The following DUSP8 variants were observed in gnomAD, a reference collection of about 807,000 sequenced individuals.
The protein encoded by DUSP8 is dual specificity phosphatase 8.
A neutral mutation model predicts 38.7 loss-of-function variants in DUSP8; 15 were observed. The observed-to-expected ratio is 0.39, with a 90% CI of 0.26 to 0.60. The LOEUF is 0.60. Ranked by LOEUF, DUSP8 falls within the 20% of genes least tolerant of loss-of-function variation. The pLI is 0.56. For synonymous variants in DUSP8, 458 were observed against 433.9 expected (o/e 1.06, Z -0.69); for missense variants, 768 against 915.0 (o/e 0.84, Z 2.07).
chr11:1,565,917 T>A lies in DUSP8; in HGVS notation c.-91A>T. 9.2e-7 allele frequency: 1 copy of A among 1,092,230 alleles called. No individual in the cohort carries two copies. The highest frequency in any genetic ancestry group is 1.5e-5 in the African/African-American group (1 of 64,998). 67.7% of individuals were successfully genotyped at this position (1,092,230 alleles called of 1,614,324 possible). On this transcript the variant is annotated 5_prime_UTR_variant, in exon 2 of 7. The change abolishes the stop of an existing upstream ORF in the 5' untranslated region. Transcript: ENST00000397374. The stretch of plus-strand genomic sequence containing the variant: ...GTGTGGCCTCGCGCTGGGAGTGACC[T>A]AGCACATGGTGCTGGACCTGCAGGG...
Position 1,565,855 on chromosome 11 carries a change from A to T in DUSP8, c.-29T>A. 1 of 1,576,452 alleles carries T rather than the reference A, an allele frequency of 6.3e-7. No individual in the cohort carries two copies. The highest frequency in any genetic ancestry group is 8.7e-7 in the Non-Finnish European group (1 of 1,150,658). On this transcript the variant is annotated 5_prime_UTR_variant, in exon 2 of 7. Coordinates refer to ENST00000397374, the MANE Select transcript of DUSP8 (RefSeq NM_004420.3). ...GGGGCAATGGGTGCTGGGGAGGGTGACCCCTGAAGTGAGGAGGGGCTGCTC... is the reference window on the plus strand; with the variant it reads ...GGGGCAATGGGTGCTGGGGAGGGTGTCCCCTGAAGTGAGGAGGGGCTGCTC...
In DUSP8 at chr11:1,565,869, G is replaced by A; in HGVS notation, c.-43C>T. 1 of 1,547,328 alleles carries A rather than the reference G, an allele frequency of 6.5e-7. No homozygotes were observed. The highest frequency in any genetic ancestry group is 1.4e-5 in the African/African-American group (1 of 73,740). ...TGGGGAGGGTGACCCCTGAAGTGAG[G>A]AGGGGCTGCTCCGACGGCCCAGGTG... is the stretch of plus-strand genomic sequence containing the variant. On this transcript the variant is annotated 5_prime_UTR_variant, in exon 2 of 7. Coordinates refer to ENST00000397374, the MANE Select transcript of DUSP8 (RefSeq NM_004420.3).
chr11:1,554,681 C>T lies in DUSP8; in HGVS notation c.*1837G>A, dbSNP rs1477269538. 1 of 971,970 alleles carries T rather than the reference C, an allele frequency of 1.0e-6. No individual in the cohort carries two copies. The highest frequency in any genetic ancestry group is 1.8e-5 in the African/African-American group (1 of 57,048). The allele number at this position is 971,970 out of a possible 1,614,324, so 60.2% of individuals were successfully genotyped here. A position where few individuals can be genotyped will look rare whatever the true frequency, so the allele number is the denominator to read the frequency against. ...CCAACCAGTGGCCCCAGACCACTGT[C>T]TCCCGGACAGCACAGGGGTGGGGGG... On this transcript the variant is annotated 3_prime_UTR_variant, in exon 7 of 7. Coordinates refer to ENST00000397374, the MANE Select transcript of DUSP8 (RefSeq NM_004420.3).
Position 1,557,304 on chromosome 11 carries a change from G to C in DUSP8, c.1092C>G (p.Pro364=), listed in dbSNP as rs1316326952. Residue 364 remains proline, a synonymous_variant, in exon 7 of 7, where the codon CCC becomes CCG. Transcript: ENST00000397374. This position sits in a 1 kb window ranked among gnomAD's most constrained non-coding sequence, Gnocchi z 9.9. ...AGGEPPAPPT[P]PATSALQQGL... Reference sequence around the variant, plus strand: ...CCTGCTGCAGTGCGCTGGTCGCCGGGGGCGTGGGGGGCGCGGGGGGCTCCC... The same window carrying C: ...CCTGCTGCAGTGCGCTGGTCGCCGGCGGCGTGGGGGGCGCGGGGGGCTCCC... 1.4e-6 allele frequency: 2 copies of C among 1,470,816 alleles called. No individual in the cohort carries two copies. Among genetic ancestry groups the C allele is most frequent in the Non-Finnish European group, 1.8e-6 (2 of 1,121,492 alleles). The allele number at this position is 1,470,816 out of a possible 1,614,324, so 91.1% of individuals were successfully genotyped here. A position where few individuals can be genotyped will look rare whatever the true frequency, so the allele number is the denominator to read the frequency against.
chr11:1,559,101 TCCCTGTCCGCCTAGGGTG>T lies in DUSP8; in HGVS notation c.371-64_371-47del, dbSNP rs575699487. On this transcript the variant is annotated intron_variant, in intron 3 of 6. Transcript: ENST00000397374. ...AGTGGGTTGAGAGAACACCTAGGGC[TCCCTGTCCGCCTAGGGTG>T]CCCTGTCCGCCTAGGGCACCCCATC... 771 of 1,576,066 alleles carry T rather than the reference TCCCTGTCCGCCTAGGGTG, an allele frequency of 4.9e-4. 1 individual carries two copies. Among genetic ancestry groups the T allele is most frequent in the African/African-American group, 4.6e-3 (341 of 73,894 alleles).
Position 1,556,333 on chromosome 11 carries a change from C to G in DUSP8, c.*185G>C. 1.3e-6 allele frequency: 1 copy of G among 750,918 alleles called. No individual in the cohort carries two copies. Among genetic ancestry groups the G allele is most frequent in the Non-Finnish European group, 1.8e-6 (1 of 550,812 alleles). 46.5% of individuals were successfully genotyped at this position (750,918 alleles called of 1,614,324 possible). The stretch of plus-strand genomic sequence containing the variant: ...TAAATACCAGACAGTAAAAATAGAG[C>G]TCGAGGACCACCCGCACTGTTGCCA... On this transcript the variant is annotated 3_prime_UTR_variant, in exon 7 of 7. Coordinates refer to ENST00000397374, the MANE Select transcript of DUSP8 (RefSeq NM_004420.3). The surrounding 1 kb of genome is among the most constrained non-coding windows in gnomAD (Gnocchi z 5.2).
Position 1,558,746 on chromosome 11 carries a change from C to G in DUSP8, c.537+143G>C. 2 of 1,042,974 alleles carry G rather than the reference C, an allele frequency of 1.9e-6. No homozygotes were observed. The highest frequency in any genetic ancestry group is 2.7e-6 in the Non-Finnish European group (2 of 729,538). The allele number at this position is 1,042,974 out of a possible 1,614,324, so 64.6% of individuals were successfully genotyped here. On this transcript the variant is annotated intron_variant, in intron 4 of 6. Transcript: ENST00000397374. The surrounding 1 kb of genome is among the most constrained non-coding windows in gnomAD (Gnocchi z 6.3). ...TGGGGAGCCTGGGGTCCTCCTGGGC[C>G]CCCACCCATGCTTCTCCCACACCCA...
chr11:1,555,555 C>T lies in DUSP8; in HGVS notation c.*963G>A. The T allele has an allele frequency of 1.2e-6, 1 of 828,630 alleles. No individual in the cohort carries two copies. Among genetic ancestry groups the T allele is most frequent in the Admixed American group, 6.2e-5 (1 of 16,096 alleles). The allele number at this position is 828,630 out of a possible 1,614,324, so 51.3% of individuals were successfully genotyped here. ...CCTCCTCATACCTGGGGGTCCAGGG[C>T]TTCCTGCCCAGTGGAGCCAGCACTG... On this transcript the variant is annotated 3_prime_UTR_variant, in exon 7 of 7. Transcript: ENST00000397374.
Position 1,571,871 on chromosome 11 carries a change from CGCCCCCGCCCCGCCGGCGCCT to C in DUSP8, c.-109+9_-109+29del, listed in dbSNP as rs1256146937. ...GCCGGTGAACCCCATCCCCGGCGCC[CGCCCCCGCCCCGCCGGCGCCT>C]CCGCTCACCTCGCTCGCGCTCGCCT... On this transcript the variant is annotated intron_variant, in intron 1 of 6. Transcript: ENST00000397374. 1.8e-3 allele frequency: 260 copies of C among 146,644 alleles called. No individual in the cohort carries two copies. The highest frequency in any genetic ancestry group is 6.1e-3 in the African/African-American group (249 of 40,870). 9.1% of individuals were successfully genotyped at this position (146,644 alleles called of 1,614,324 possible).
intron 1 of DUSP8, among the ~76,000 whole-genome samples, chr11:1,567,009 T>C (rs2878211): frequency 0.63 from 95,075 of 152,012 alleles, 30,209 homozygotes; most frequent in Non-Finnish European, 0.66. Context: ...AGGAGGCGCA[T>C]AGTGTTAAGG....
At chr11:1,561,897 G>A (rs1352257426) in intron 3 of DUSP8, among the ~76,000 whole-genome samples, 2 of 152,214 alleles carry the variant, frequency 1.3e-5, no homozygotes, top group Non-Finnish European at 2.9e-5. Context: ...CAGGGTGGGA[G>A]GGAGCCTGAG....
upstream of DUSP8, among the ~76,000 whole-genome samples, chr11:1,572,324 G>A (rs2133456492): frequency 6.7e-6 from 1 of 149,088 alleles, no homozygotes; most frequent in East Asian, 2.0e-4. The surrounding 1 kb of genome is among the most constrained non-coding windows in gnomAD (Gnocchi z 4.7). Flanking sequence ...GTCATGCCGA[G>A]CGAAAAAAGC....
intron 3 of DUSP8, among the ~76,000 whole-genome samples, chr11:1,563,232 G>A (rs944935904): frequency 3.9e-5 from 6 of 152,178 alleles, no homozygotes; most frequent in Admixed American, 2.6e-4. Flanking sequence ...GACCTGGGCC[G>A]ACCCCAGGAG....
intron 1 of DUSP8, among the ~76,000 whole-genome samples, chr11:1,570,129 C>T (rs1477271769): frequency 6.6e-6 from 1 of 152,116 alleles, no homozygotes; most frequent in Non-Finnish European, 1.5e-5. Context: ...ATCCCAGGAA[C>T]GGGGTCCGGG....
intron 3 of DUSP8, among the ~76,000 whole-genome samples, chr11:1,561,688 A>T (rs980110012): frequency 6.6e-6 from 1 of 152,206 alleles, no homozygotes; most frequent in African/African-American, 2.4e-5. Context: ...TGCTGTGGGG[A>T]GGACAGAGGC....
intron 1 of DUSP8, among the ~76,000 whole-genome samples, chr11:1,568,296 C>G (rs1425403162): frequency 2.1e-5 from 3 of 143,374 alleles, no homozygotes; most frequent in Non-Finnish European, 4.6e-5. Context: ...TGAGAGACCT[C>G]GGTGCAGCCA....
chr11:1,563,234 C>G (rs1346834533), intron 3 of DUSP8, among the ~76,000 whole-genome samples: 7 of 152,310 alleles, frequency 4.6e-5, no homozygotes, highest in Non-Finnish European at 1.0e-4. Flanking sequence ...CCTGGGCCGA[C>G]CCCAGGAGGT....
At chr11:1,563,779 TGCCCCA>T (rs772858992) in intron 3 of DUSP8, 66 bp downstream of exon 3, 125 of 1,406,984 alleles carry the variant, frequency 8.9e-5, no homozygotes, top group Middle Eastern at 2.6e-4. Context: ...ACCTCCCTGA[TGCCCCA>T]GCCCCAGCCC....
chr11:1,565,805 T>G lies in DUSP8; in HGVS notation c.22A>C (p.Arg8=), dbSNP rs1227465775. The change falls in exon 2 of 7, where the codon AGG becomes CGG. Residue 8 remains arginine, a synonymous_variant. Transcript: ENST00000397374. MAGDRLP[R]KVMDAKKLAS... ...AGCTTCTTGGCATCCATCACCTTCCTCGGGAGCCGGTCCCCAGCCATGGTG... is the reference window on the plus strand; with the variant it reads ...AGCTTCTTGGCATCCATCACCTTCCGCGGGAGCCGGTCCCCAGCCATGGTG... 6 of 1,607,118 alleles carry G rather than the reference T, an allele frequency of 3.7e-6. No homozygotes were observed. The Middle Eastern group carries it at 7.9e-4, about 212-fold the overall frequency.
Sources: allele counts gnomAD v4.1 joint callset (sites outside exome capture counted in the v4.1 genomes callset), GRCh38; gene constraint gnomAD v4.1.1; non-coding constraint Gnocchi (gnomAD v3.1); transcripts MANE v1.5; gene names NCBI Gene and HGNC (gene_info 2026-07-23, HGNC 2026-07-21).